TIMM21: variants seen among roughly 807,000 people sequenced by gnomAD.
The protein encoded by TIMM21 is translocase of inner mitochondrial membrane 21.
A neutral mutation model predicts 27.7 loss-of-function variants in TIMM21; 30 were observed. The ratio of observed to expected loss-of-function variants is 1.08; its 90% confidence interval spans 0.81 to 1.47. TIMM21 has a LOEUF of 1.47. Ranked by LOEUF, TIMM21 falls within the 40% of genes most tolerant of loss-of-function variation. The probability of loss-of-function intolerance (pLI) is 0.00; values close to 1 mark genes in which losing one functional copy is unlikely to be tolerated. For missense variants in TIMM21, 292 were observed against 302.9 expected, an observed-to-expected ratio of 0.96 and a Z score of 0.27; for synonymous variants, 121 against 114.4, an observed-to-expected ratio of 1.06 and a Z score of -0.37.
rs372431964 is a variant in TIMM21, at chr18:74,158,229, G to C, written c.595G>C (p.Gly199Arg). 17 of 1,614,156 alleles carry C rather than the reference G, an allele frequency of 1.1e-5. No homozygotes were observed. The highest frequency in any genetic ancestry group is 1.3e-5 in the African/African-American group (1 of 75,012). The change falls in exon 5 of 6, where the codon GGC (glycine) becomes CGC (arginine). Residue 199 changes from glycine to arginine, a missense_variant. Physicochemically the swap from Gly to Arg is moderately radical, Grantham distance 125. Coordinates refer to ENST00000169551, the MANE Select transcript of TIMM21 (RefSeq NM_014177.3). ...CACGTGTGTGAAATTCTACATTGAG[G>C]GCTCTGAGCCAGGGAAGCAAGGAAC... The part of the protein sequence containing the change: ...KHTCVKFYIE[G>R]SEPGKQGTVY...
intron 3 of TIMM21, chr18:74,156,400 G>C (rs12326495): frequency 0.07 from 27,750 of 397,776 alleles, 2,112 homozygotes; most frequent in African/African-American, 0.24. Context: ...TCATGTCAGG[G>C]TGGAAACCTC....
intron 3 of TIMM21, 121 bp from the exon 4 acceptor site, chr18:74,157,892 AT>A: frequency 9.2e-7 from 1 of 1,088,090 alleles, no homozygotes; most frequent in Admixed American, 2.5e-5. Flanking sequence ...AGGAGTGGTC[AT>A]TTTTGAAAAG....
At chr18:74,157,881 C>A in intron 3 of TIMM21, 133 bp from the exon 4 acceptor site, 2 of 926,210 alleles carry the variant, frequency 2.2e-6, no homozygotes, top group South Asian at 1.7e-5. Flanking sequence ...AGGCGTGAGC[C>A]AGGAGTGGTC....
At position 74,148,714 on chromosome 18, in the gene TIMM21, G is replaced by C; in HGVS notation, c.-95G>C. On this transcript the variant is annotated 5_prime_UTR_variant, in exon 1 of 6. Coordinates refer to ENST00000169551, the MANE Select transcript of TIMM21 (RefSeq NM_014177.3). Reference sequence around the variant, plus strand: ...ACACCCCATGTAATGTAAACGTATAGGCTTGAGTACGTGTCCGGCCGCATG... The same window carrying C: ...ACACCCCATGTAATGTAAACGTATACGCTTGAGTACGTGTCCGGCCGCATG... 1 of 1,288,440 alleles carries C rather than the reference G, an allele frequency of 7.8e-7. No homozygotes were observed. The highest frequency in any genetic ancestry group is 1.1e-6 in the Non-Finnish European group (1 of 924,838). 79.8% of individuals were successfully genotyped at this position (1,288,440 alleles called of 1,614,324 possible).
At position 74,148,733 on chromosome 18, in the gene TIMM21, C is replaced by T. The variant is rs1979681150; in HGVS notation, c.-76C>T. 7.0e-7 allele frequency: 1 copy of T among 1,432,088 alleles called. No homozygotes were observed. The highest frequency in any genetic ancestry group is 2.0e-5 in the Admixed American group (1 of 50,176). The allele number at this position is 1,432,088 out of a possible 1,614,324, so 88.7% of individuals were successfully genotyped here. On this transcript the variant is annotated 5_prime_UTR_variant, in exon 1 of 6. Coordinates refer to ENST00000169551, the MANE Select transcript of TIMM21 (RefSeq NM_014177.3). Reference sequence around the variant, plus strand: ...CGTATAGGCTTGAGTACGTGTCCGGCCGCATGTGTAGTGAACCCTAAAGCT... The same window carrying T: ...CGTATAGGCTTGAGTACGTGTCCGGTCGCATGTGTAGTGAACCCTAAAGCT...
intron 5 of TIMM21, 46 bp from the exon 6 acceptor site, chr18:74,158,330 G>A: frequency 1.2e-6 from 2 of 1,608,996 alleles, no homozygotes; most frequent in Non-Finnish European, 1.7e-6. Context: ...TGTTATTTAA[G>A]TTCTGGAAAG....
Position 74,158,746 on chromosome 18 carries a change from T to C in TIMM21, c.*266T>C, listed in dbSNP as rs984378017. 8.6e-6 allele frequency: 3 copies of C among 349,098 alleles called. No homozygotes were observed. Among genetic ancestry groups the C allele is most frequent in the Admixed American group, 4.7e-5 (1 of 21,162 alleles). The allele number at this position is 349,098 out of a possible 1,614,324, so 21.6% of individuals were successfully genotyped here. ...CTTTCATGATTAGAAATGTTTGTTA[T>C]TGGAAATGTTACACCATGTAAATAA... On this transcript the variant is annotated 3_prime_UTR_variant, in exon 6 of 6. Coordinates refer to ENST00000169551, the MANE Select transcript of TIMM21 (RefSeq NM_014177.3).
chr18:74,154,119 C>T (rs1033129371), intron 1 of TIMM21, among the ~76,000 whole-genome samples: 2 of 152,142 alleles, frequency 1.3e-5, no homozygotes, highest in Non-Finnish European at 2.9e-5. Flanking sequence ...CTAAGCAAGG[C>T]AGGAATGAAA....
At chr18:74,157,655 G>A in intron 3 of TIMM21, 1 of 176,004 alleles carries the variant, frequency 5.7e-6, no homozygotes, top group Non-Finnish European at 1.2e-5. Context: ...GAGTTCAGTG[G>A]CACGATCTTG....
At chr18:74,149,130 G>T in intron 1 of TIMM21, 21 bp downstream of exon 1, 1 of 1,595,068 alleles carries the variant, frequency 6.3e-7, no homozygotes, top group Non-Finnish European at 8.6e-7. Context: ...GTACTTTAAT[G>T]ATTGGGCTTT....
rs1307660844 is a variant in TIMM21 at position 74,158,685 on chromosome 18, G to GACTC, written c.*207_*210dup. ...ACAGCATATTTTATGTTCTCCCATT[G>GACTC]ACTCAATCATGACAATATTTCTGCT... On this transcript the variant is annotated 3_prime_UTR_variant, in exon 6 of 6. Coordinates refer to ENST00000169551, the MANE Select transcript of TIMM21 (RefSeq NM_014177.3). 2.1e-6 allele frequency: 1 copy of GACTC among 471,792 alleles called. No homozygotes were observed. The highest frequency in any genetic ancestry group is 3.8e-6 in the Non-Finnish European group (1 of 263,196). 29.2% of individuals were successfully genotyped at this position (471,792 alleles called of 1,614,324 possible). A position where few individuals can be genotyped will look rare whatever the true frequency, so the allele number is the denominator to read the frequency against.
intron 3 of TIMM21, chr18:74,156,854 G>T (rs953842089): frequency 1.3e-5 from 2 of 151,946 alleles, no homozygotes; most frequent in Admixed American, 1.3e-4. Context: ...TTTTTTAAGG[G>T]GTACCCTTCT....
rs764501071 is a variant in TIMM21 at position 74,149,122 on chromosome 18, A to T, written c.301+13A>T. 5.0e-6 allele frequency: 8 copies of T among 1,597,900 alleles called. No individual in the cohort carries two copies. In the African/African-American group the frequency reaches 8.1e-5, roughly 16 times the overall value. On this transcript the variant is annotated intron_variant, in intron 1 of 5. Transcript: ENST00000169551. The stretch of plus-strand genomic sequence containing the variant: ...ACATCACAAAAAGGTAAAAAGGAGT[A>T]CTTTAATGATTGGGCTTTCAACAGA...
rs1979829009 is a variant in TIMM21, at chr18:74,152,200, T to G, written c.302-2945T>G. 6.6e-6 allele frequency among the ~76,000 whole-genome samples: 1 copy of G among 152,104 alleles called. No individual in the cohort carries two copies. The highest frequency in any genetic ancestry group is 1.5e-5 in the Non-Finnish European group (1 of 67,996). ...TGGGATTCAAGATTTTTTACAACAT[T>G]GACCTCAAGGGCCCCCTACCCAGCT... On this transcript the variant is annotated intron_variant, in intron 1 of 5. Transcript: ENST00000169551. This position sits in a 1 kb window ranked among gnomAD's most constrained non-coding sequence, Gnocchi z 4.1.
chr18:74,148,758 TTTCCTAATTGTAGTTAGCATCG>T lies in TIMM21; in HGVS notation c.-49_-28del, dbSNP rs775232837. On this transcript the variant is annotated 5_prime_UTR_variant, in exon 1 of 6. Transcript: ENST00000169551. ...CCGCATGTGTAGTGAACCCTAAAGC[TTTCCTAATTGTAGTTAGCATCG>T]TCCCTAAGCGGAACGATTTTCCGTG... is the stretch of plus-strand genomic sequence containing the variant. 1 of 1,566,270 alleles carries T rather than the reference TTTCCTAATTGTAGTTAGCATCG, an allele frequency of 6.4e-7. No individual in the cohort carries two copies. Among genetic ancestry groups the T allele is most frequent in the South Asian group, 1.2e-5 (1 of 86,220 alleles).
chr18:74,159,632 A>C lies in TIMM21; in HGVS notation c.*1152A>C, dbSNP rs1980050907. The C allele has an allele frequency of 6.6e-6, 1 of 152,180 alleles. No homozygotes were observed. Among genetic ancestry groups the C allele is most frequent in the Non-Finnish European group, 1.5e-5 (1 of 68,034 alleles). The allele number at this position is 152,180 out of a possible 1,614,324, so 9.4% of individuals were successfully genotyped here. On this transcript the variant is annotated 3_prime_UTR_variant, in exon 6 of 6. Coordinates refer to ENST00000169551, the MANE Select transcript of TIMM21 (RefSeq NM_014177.3). ...TTGACTGCTTGTTTTAGATGTTTTT[A>C]ATTATAAAAATTTCCAACATTTAAG...
chr18:74,155,026 C>A, intron 1 of TIMM21, 119 bp from the exon 2 acceptor site: 2 of 921,938 alleles, frequency 2.2e-6, no homozygotes, highest in Non-Finnish European at 3.5e-6. Flanking sequence ...CCTGAACACA[C>A]ACAGACCCCT....
rs149882351 is a variant in TIMM21 at position 74,149,282 on chromosome 18, A to G, written c.301+173A>G. 7.5e-3 allele frequency among the ~76,000 whole-genome samples: 1,148 copies of G among 152,354 alleles called. 12 individuals are homozygous for G. Among genetic ancestry groups the G allele is most frequent in the African/African-American group, 0.024 (978 of 41,582 alleles). On this transcript the variant is annotated intron_variant, in intron 1 of 5. Transcript: ENST00000169551. The stretch of plus-strand genomic sequence containing the variant: ...TATAGATCTACAGTTTTCTTCACAG[A>G]TTGGAACTCAGATGTGAAAGTTGAT...
intron 1 of TIMM21, 26 bp downstream of exon 1, chr18:74,149,135 G>A: frequency 6.3e-7 from 1 of 1,589,626 alleles, no homozygotes; most frequent in Non-Finnish European, 8.6e-7. Context: ...TTAATGATTG[G>A]GCTTTCAACA....
Sources: gnomAD v4.1 joint callset for allele counts (sites outside exome capture counted in the v4.1 genomes callset) on GRCh38, gnomAD v4.1.1 for gene constraint, Gnocchi (gnomAD v3.1) non-coding constraint, MANE v1.5 for transcripts, NCBI Gene and HGNC (gene_info 2026-07-23, HGNC 2026-07-21) for gene names.